The following PRELID3A variants were observed in gnomAD, a reference collection of about 807,000 sequenced individuals.
PRELID3A encodes PRELI domain containing protein 3A.
Under a neutral mutation model 23.0 loss-of-function variants are expected in PRELID3A, and 27 were observed. That is an observed-to-expected ratio of 1.17 (90% CI 0.87 to 1.62). The LOEUF (loss-of-function observed/expected upper bound fraction) is 1.62. PRELID3A is among the 40% of genes most tolerant of loss of function. PRELID3A has a pLI of 0.00. For missense variants in PRELID3A, 231 were observed against 231.4 expected, an observed-to-expected ratio of 1.00 and a Z score of 0.01; for synonymous variants, 87 against 86.4, an observed-to-expected ratio of 1.01 and a Z score of -0.04.
In PRELID3A at chr18:12,407,979, A is replaced by T. The variant is rs1909773756; in HGVS notation, c.4A>T (p.Lys2Ter). M[K>*]IWSSEHVFGH... ...CCCGCGCCCTGCGCCGGCGGCAATGAAGATCTGGAGCTCGGAGCACGTGTT... is the reference window on the plus strand; with the variant it reads ...CCCGCGCCCTGCGCCGGCGGCAATGTAGATCTGGAGCTCGGAGCACGTGTT... Residue 2 changes from lysine to a stop codon, truncating the protein, a stop_gained, in exon 1 of 7, where the codon AAG becomes TAG. Transcript: ENST00000440960. LOFTEE classifies it high-confidence loss of function. The T allele has an allele frequency of 1.5e-6, 2 of 1,299,914 alleles. No homozygotes were observed. Among genetic ancestry groups the T allele is most frequent in the East Asian group, 6.2e-5 (2 of 32,052 alleles). The allele number at this position is 1,299,914 out of a possible 1,614,324, so 80.5% of individuals were successfully genotyped here. A position where few individuals can be genotyped will look rare whatever the true frequency, so the allele number is the denominator to read the frequency against.
intron 1 of PRELID3A, among the ~76,000 whole-genome samples, chr18:12,411,974 A>G (rs1314803701): frequency 1.4e-5 from 2 of 145,858 alleles, no homozygotes; most frequent in African/African-American, 5.1e-5. Context: ...GCAGGGGCGC[A>G]GTCTCGGCTC....
intron 2 of PRELID3A, 131 bp downstream of exon 2, chr18:12,420,624 G>C: frequency 1.0e-6 from 1 of 992,562 alleles, no homozygotes; most frequent in Non-Finnish European, 1.4e-6. Flanking sequence ...GGAGGGCGGC[G>C]GGGGGCCTTT....
intron 1 of PRELID3A, among the ~76,000 whole-genome samples, chr18:12,414,925 A>G (rs755197383): frequency 2.6e-5 from 4 of 151,974 alleles, no homozygotes; most frequent in Non-Finnish European, 5.9e-5. Context: ...GGCTGCCTAC[A>G]TCTTTTTTTC....
intron 1 of PRELID3A, among the ~76,000 whole-genome samples, chr18:12,410,387 C>G (rs1568159193): frequency 6.6e-6 from 1 of 152,162 alleles, no homozygotes; most frequent in African/African-American, 2.4e-5. Context: ...AGCAAAGGGC[C>G]GTAATGAAGC....
rs1274877600 is a variant in PRELID3A at position 12,431,875 on chromosome 18, C to G, written c.*759C>G. ...GAGGCCCTGCCTCGCTGCTTGCCAG[C>G]CTCACCTGCTGGGGCTGGAGGCCAT... On this transcript the variant is annotated 3_prime_UTR_variant, in exon 7 of 7. Coordinates refer to ENST00000440960, the MANE Select transcript of PRELID3A (RefSeq NM_001142405.2). 2 of 152,286 alleles carry G rather than the reference C, an allele frequency of 1.3e-5. No homozygotes were observed. The highest frequency in any genetic ancestry group is 4.8e-5 in the African/African-American group (2 of 41,464). 9.4% of individuals were successfully genotyped at this position (152,286 alleles called of 1,614,324 possible). A position where few individuals can be genotyped will look rare whatever the true frequency, so the allele number is the denominator to read the frequency against.
intron 1 of PRELID3A, among the ~76,000 whole-genome samples, chr18:12,419,164 A>T (rs985544338): frequency 4.2e-5 from 6 of 144,374 alleles, no homozygotes; most frequent in African/African-American, 1.5e-4. Flanking sequence ...TCTACTAAAG[A>T]TACAAAAAAA....
intron 1 of PRELID3A, among the ~76,000 whole-genome samples, chr18:12,412,068 G>A (rs1470607814): frequency 1.3e-5 from 2 of 151,794 alleles, no homozygotes; most frequent in African/African-American, 2.4e-5. Context: ...CCGCCACCAC[G>A]CCTGACTACT....
intron 3 of PRELID3A, 37 bp downstream of exon 3, chr18:12,421,666 T>C: frequency 1.4e-6 from 2 of 1,417,766 alleles, no homozygotes; most frequent in South Asian, 2.3e-5. Flanking sequence ...GGGCTCAGTG[T>C]GTCTGGGTGG....
intron 6 of PRELID3A, among the ~76,000 whole-genome samples, chr18:12,430,005 A>G (rs529294898): frequency 1.1e-4 from 16 of 152,350 alleles, no homozygotes; most frequent in African/African-American, 3.8e-4. Flanking sequence ...GCCAGCGGCC[A>G]CCAGGGCCTG....
At chr18:12,416,311 G>T (rs928613696) in intron 1 of PRELID3A, among the ~76,000 whole-genome samples, 5 of 152,112 alleles carry the variant, frequency 3.3e-5, no homozygotes, top group African/African-American at 1.2e-4. Flanking sequence ...TGTTGTTGTT[G>T]TTGTTGTTTG....
chr18:12,427,403 A>G, intron 5 of PRELID3A, 80 bp downstream of exon 5: 1 of 1,129,374 alleles, frequency 8.9e-7, no homozygotes, highest in Non-Finnish European at 1.3e-6. Context: ...TTTTAGTCTC[A>G]TCAGTCTTCC....
intron 1 of PRELID3A, among the ~76,000 whole-genome samples, chr18:12,412,536 C>T (rs897137825): frequency 2.0e-5 from 3 of 152,210 alleles, no homozygotes; most frequent in African/African-American, 7.2e-5. Context: ...TAGATGTCTA[C>T]ATAAATATAT....
intron 1 of PRELID3A, among the ~76,000 whole-genome samples, chr18:12,417,148 T>C (rs1257947440): frequency 2.7e-4 from 41 of 152,216 alleles, no homozygotes; most frequent in Non-Finnish European, 2.9e-5. Context: ...GTTTAAATCA[T>C]CAGCCAGAAA....
Position 12,421,647 on chromosome 18 carries a change from A to G in PRELID3A, c.291+18A>G. On this transcript the variant is annotated intron_variant, in intron 3 of 6. Transcript: ENST00000440960. ...CTACCAATGTAAGCAATGGCCTCAGATGAGAAACGGGCTCAGTGTGTCTGG... is the reference window on the plus strand; with the variant it reads ...CTACCAATGTAAGCAATGGCCTCAGGTGAGAAACGGGCTCAGTGTGTCTGG... The G allele has an allele frequency of 6.4e-7, 1 of 1,551,572 alleles. No individual in the cohort carries two copies. The highest frequency in any genetic ancestry group is 8.9e-7 in the Non-Finnish European group (1 of 1,123,178).
In PRELID3A at chr18:12,430,666, T is replaced by A. The variant is rs1167942146; in HGVS notation, c.*34-484T>A. On this transcript the variant is annotated intron_variant, in intron 6 of 6. Transcript: ENST00000440960. ...GTGGTATGTGTCGTGTGTGCATGTTTGTATGATGTGTATGTGATTGGTGTG... is the reference window on the plus strand; with the variant it reads ...GTGGTATGTGTCGTGTGTGCATGTTAGTATGATGTGTATGTGATTGGTGTG... 4.5e-5 allele frequency among the ~76,000 whole-genome samples: 3 copies of A among 66,264 alleles called. No individual in the cohort carries two copies. The East Asian group carries it at 8.8e-4, about 19-fold the overall frequency. 43.5% of individuals were successfully genotyped at this position (66,264 alleles called of 152,430 possible).
At chr18:12,430,007 C>G (rs2030514922) in intron 6 of PRELID3A, among the ~76,000 whole-genome samples, 1 of 152,274 alleles carries the variant, frequency 6.6e-6, no homozygotes, top group South Asian at 2.1e-4. Context: ...CAGCGGCCAC[C>G]AGGGCCTGAT....
At chr18:12,420,271 C>T in intron 1 of PRELID3A, 54 bp from the exon 2 acceptor site, 1 of 1,538,122 alleles carries the variant, frequency 6.5e-7, no homozygotes, top group Non-Finnish European at 8.8e-7. Flanking sequence ...TCCCCTTCAC[C>T]CTTGCGGCCC....
At chr18:12,419,211 A>G (rs148091530) in intron 1 of PRELID3A, among the ~76,000 whole-genome samples, 2,952 of 151,724 alleles carry the variant, frequency 0.019, 83 homozygotes, top group East Asian at 0.082. Context: ...CTGTAGTCCC[A>G]GCTACTAGGG....
intron 3 of PRELID3A, 85 bp from the exon 4 acceptor site, chr18:12,426,956 T>A (rs983477824): frequency 3.1e-6 from 3 of 956,726 alleles, no homozygotes; most frequent in Admixed American, 3.9e-5. Context: ...CACTAAGTGC[T>A]AATTTTGGGA....
Sources: gnomAD v4.1 joint callset for allele counts (sites outside exome capture counted in the v4.1 genomes callset) on GRCh38, gnomAD v4.1.1 for gene constraint, MANE v1.5 for transcripts, NCBI Gene and HGNC (gene_info 2026-07-23, HGNC 2026-07-21) for gene names.